TOP6BL: variants seen among roughly 807,000 people sequenced by gnomAD.
The protein encoded by TOP6BL is TOP6B like initiator of meiotic double strand breaks.
the TOP6BL span, among the ~76,000 whole-genome samples, chr11:66,781,409 T>C: frequency 2.0e-5 from 3 of 152,216 alleles, no homozygotes; most frequent in Non-Finnish European, 2.9e-5. Context: ...GTTCTTTTTG[T>C]ATAGTGTTAT....
the TOP6BL span, among the ~76,000 whole-genome samples, chr11:66,776,855 G>C: frequency 6.6e-6 from 1 of 152,066 alleles, no homozygotes; most frequent in Non-Finnish European, 1.5e-5. Context: ...TAGAAGACCA[G>C]CCTGGGCAGC....
chr11:66,760,473 C>T, the TOP6BL span, among the ~76,000 whole-genome samples: 1 of 142,970 alleles, frequency 7.0e-6, no homozygotes, highest in Admixed American at 7.0e-5. Context: ...AGAAAACATA[C>T]TGTGTATTAA....
chr11:66,812,908 C>T, the TOP6BL span, among the ~76,000 whole-genome samples: 1 of 152,116 alleles, frequency 6.6e-6, no homozygotes, highest in Non-Finnish European at 1.5e-5. Flanking sequence ...CTGCCCACCG[C>T]AGTGAAGAAT....
At chr11:66,758,983 T>A in the TOP6BL span, 1 of 1,283,614 alleles carries the variant, frequency 7.8e-7, no homozygotes, top group Non-Finnish European at 1.1e-6. Context: ...TCTCATTTGA[T>A]TCTTTCAATA....
the TOP6BL span, among the ~76,000 whole-genome samples, chr11:66,755,565 T>C: frequency 6.6e-6 from 1 of 152,240 alleles, no homozygotes; most frequent in Non-Finnish European, 1.5e-5. Context: ...ATCGGCTGTC[T>C]TTACCTGGAA....
chr11:66,803,902 A>G, the TOP6BL span: 3 of 1,003,346 alleles, frequency 3.0e-6, 1 homozygote, highest in African/African-American at 1.6e-5. Flanking sequence ...GGTTGTACAT[A>G]TGCTAGAGGT....
At chr11:66,805,277 T>G in the TOP6BL span, among the ~76,000 whole-genome samples, 2 of 152,024 alleles carry the variant, frequency 1.3e-5, no homozygotes, top group Admixed American at 1.3e-4. Flanking sequence ...AGTGCTTGAA[T>G]CTAAAGTGTG....
the TOP6BL span, among the ~76,000 whole-genome samples, chr11:66,776,607 G>A: frequency 5.9e-5 from 9 of 152,098 alleles, no homozygotes; most frequent in Non-Finnish European, 2.9e-5. Context: ...GGTCAACATA[G>A]CAAGTCCCCA....
the TOP6BL span, among the ~76,000 whole-genome samples, chr11:66,792,964 T>A: frequency 6.6e-6 from 1 of 152,234 alleles, no homozygotes; most frequent in Non-Finnish European, 1.5e-5. Flanking sequence ...ATTTTAAAAA[T>A]GAAGGATGTG....
At chr11:66,821,381 G>A in the TOP6BL span, among the ~76,000 whole-genome samples, 12 of 151,426 alleles carry the variant, frequency 7.9e-5, no homozygotes, top group Admixed American at 5.9e-4. Flanking sequence ...TCCGCCTCCC[G>A]GGTTCACGCC....
At chr11:66,843,169 G>T in the TOP6BL span, 1 of 1,611,366 alleles carries the variant, frequency 6.2e-7, no homozygotes, top group African/African-American at 1.3e-5. Context: ...GTTCCCGCAG[G>T]ACGTGCTGTG....
At chr11:66,761,854 C>G in the TOP6BL span, 1 of 923,478 alleles carries the variant, frequency 1.1e-6, no homozygotes, top group East Asian at 2.4e-5. Context: ...GCTTCATCCT[C>G]TGGATAATGA....
At chr11:66,759,921 AAGCCAAAGGCCATAACATTTAT>A in the TOP6BL span, among the ~76,000 whole-genome samples, 1 of 152,144 alleles carries the variant, frequency 6.6e-6, no homozygotes, top group Non-Finnish European at 1.5e-5. Flanking sequence ...AATACTCTAC[AAGCCAAAGGCCATAACATTTAT>A]TTTAAGGAAG....
At chr11:66,788,180 G>A in the TOP6BL span, 7 of 1,613,484 alleles carry the variant, frequency 4.3e-6, no homozygotes, top group Non-Finnish European at 5.1e-6. Context: ...CATACTGCCC[G>A]GAATCTCTGC....
the TOP6BL span, among the ~76,000 whole-genome samples, chr11:66,825,316 TAA>T: frequency 3.0e-5 from 4 of 135,018 alleles, no homozygotes; most frequent in African/African-American, 5.4e-5. Context: ...CTGTCACTAC[TAA>T]AAAAAAAAAA....
chr11:66,842,931 G>GGCCCCGAGCCCGTCAGAGGCC, the TOP6BL span: 7 of 1,559,880 alleles, frequency 4.5e-6, no homozygotes, highest in African/African-American at 2.7e-5. Flanking sequence ...GCTCTGCCAG[G>GGCCCCGAGCCCGTCAGAGGCC]GCCCCGAGCC....
At chr11:66,758,937 T>A in the TOP6BL span, 11 of 682,820 alleles carry the variant, frequency 1.6e-5, no homozygotes, top group African/African-American at 3.6e-5. Context: ...GTGGTCACTT[T>A]TTAAATGTTC....
chr11:66,754,541 A>T, the TOP6BL span, among the ~76,000 whole-genome samples: 1 of 152,190 alleles, frequency 6.6e-6, no homozygotes, highest in African/African-American at 2.4e-5. Flanking sequence ...AGAGTTAGAG[A>T]CTATAAAGCT....
the TOP6BL span, among the ~76,000 whole-genome samples, chr11:66,801,783 C>A: frequency 6.6e-6 from 1 of 151,940 alleles, no homozygotes; most frequent in Non-Finnish European, 1.5e-5. Flanking sequence ...TTGCAGTGAG[C>A]CGAGATCACG....
Sources: allele counts gnomAD v4.1 joint callset (sites outside exome capture counted in the v4.1 genomes callset), GRCh38; gene constraint gnomAD v4.1.1; transcripts MANE v1.5; gene names NCBI Gene and HGNC (gene_info 2026-07-23, HGNC 2026-07-21).